Variants in CECR2 observed in about 807,000 individuals in gnomAD.
CECR2 encodes the protein CECR2 histone acetyl-lysine reader, also known as chromatin remodeling regulator CECR2.
In CECR2, 30 loss-of-function variants were observed where a neutral mutation model predicts 154.5. The ratio of observed to expected loss-of-function variants is 0.19; its 90% CI spans 0.15 to 0.26. The LOEUF (loss-of-function observed/expected upper bound fraction) is 0.26. Ranked by LOEUF, CECR2 falls within the 10% of genes least tolerant of loss-of-function variation. The pLI is 1.00. For missense variants in CECR2, 1,743 were observed against 1,829.3 expected (o/e 0.95, Z 0.86); for synonymous variants, 725 against 683.7 (o/e 1.06, Z -0.94).
intron 1 of CECR2, among the ~76,000 whole-genome samples, chr22:17,402,750 T>C (rs898474714): frequency 3.1e-4 from 42 of 135,246 alleles, no homozygotes; most frequent in African/African-American, 1.2e-3. Flanking sequence ...TTCTTTCTTT[T>C]CTTCTTTTTT....
intron 6 of CECR2, 35 bp from the exon 7 acceptor site, chr22:17,504,812 A>G (rs772429440): frequency 1.3e-6 from 2 of 1,574,168 alleles, no homozygotes; most frequent in Non-Finnish European, 8.7e-7. Flanking sequence ...TCCTCATGGG[A>G]TCTCCTGTAG....
At chr22:17,486,281 A>G (rs1236338231) in intron 2 of CECR2, among the ~76,000 whole-genome samples, 1 of 152,272 alleles carries the variant, frequency 6.6e-6, no homozygotes, top group Non-Finnish European at 1.5e-5. Context: ...TAAGCCTGAG[A>G]GACATCGAGA....
chr22:17,425,193 G>A (rs987228908), intron 1 of CECR2, among the ~76,000 whole-genome samples: 3 of 152,018 alleles, frequency 2.0e-5, no homozygotes, highest in Admixed American at 2.0e-4. Context: ...TAGCGTCCAA[G>A]TGTAGTGTGG....
In CECR2 at chr22:17,457,113, GC is replaced by G. The variant is rs568571400; in HGVS notation, c.127-20470del. Among the ~76,000 whole-genome samples, 1,088 of 152,296 alleles carry G rather than the reference GC, an allele frequency of 7.1e-3. 5 individuals carry two copies. The highest frequency in any genetic ancestry group is 0.041 in the Middle Eastern group (12 of 294). On this transcript the variant is annotated intron_variant, in intron 1 of 18. Coordinates refer to ENST00000262608, the MANE Select transcript of CECR2 (RefSeq NM_001290047.2). ...ACTATCTCTGTTCATCACAACCTCC[GC>G]CCCCGCGGGTTCAAGCGATTCTCCT... is the stretch of plus-strand genomic sequence containing the variant.
chr22:17,466,529 T>C (rs528758659), intron 1 of CECR2, among the ~76,000 whole-genome samples: 2 of 151,844 alleles, frequency 1.3e-5, no homozygotes, highest in East Asian at 3.9e-4. Flanking sequence ...GCAGAGTAAA[T>C]AAGCCAAAGA....
chr22:17,470,785 G>C (rs1015369145), intron 1 of CECR2, among the ~76,000 whole-genome samples: 2 of 152,080 alleles, frequency 1.3e-5, no homozygotes, highest in African/African-American at 4.8e-5. Flanking sequence ...TCCCAGACTA[G>C]ACCAGGGTTC....
chr22:17,489,459 T>G (rs1211151135), intron 2 of CECR2, among the ~76,000 whole-genome samples: 2 of 152,206 alleles, frequency 1.3e-5, no homozygotes, highest in East Asian at 3.9e-4. Context: ...TTTAATTTAT[T>G]TATTGACTTT....
chr22:17,405,696 G>A (rs1488834921), intron 1 of CECR2, among the ~76,000 whole-genome samples: 1 of 148,020 alleles, frequency 6.8e-6, no homozygotes, highest in Non-Finnish European at 1.5e-5. Context: ...ATTAGAAATA[G>A]CGTTGAGTTA....
intron 9 of CECR2, among the ~76,000 whole-genome samples, chr22:17,532,976 C>T (rs927170768): frequency 2.6e-5 from 4 of 151,236 alleles, no homozygotes; most frequent in South Asian, 4.2e-4. Context: ...TGCGCCTAGC[C>T]GCTCATTATT....
chr22:17,497,321 C>T, intron 2 of CECR2, 82 bp from the exon 3 acceptor site: 1 of 1,367,358 alleles, frequency 7.3e-7, no homozygotes, highest in Non-Finnish European at 9.9e-7. Flanking sequence ...GCTGTCAGAT[C>T]ATGAGTTCTC....
At chr22:17,443,706 C>T (rs1005753984) in intron 1 of CECR2, among the ~76,000 whole-genome samples, 2 of 152,126 alleles carry the variant, frequency 1.3e-5, no homozygotes, top group Non-Finnish European at 2.9e-5. Context: ...GAGCGACTTC[C>T]GGGTGACTCC....
chr22:17,489,105 T>C (rs1007911969), intron 2 of CECR2, among the ~76,000 whole-genome samples: 2 of 148,262 alleles, frequency 1.3e-5, no homozygotes, highest in African/African-American at 5.0e-5. Flanking sequence ...CAGCTAATTT[T>C]TTGTATTTAG....
Position 17,404,606 on chromosome 22 carries a change from C to G in CECR2, c.126+34697C>G. ...GCCGGGATGGTCTCGATCTCCTGAC[C>G]TCGTGATCCACCCGCCTCGGCCTCC... is the stretch of plus-strand genomic sequence containing the variant. On this transcript the variant is annotated intron_variant, in intron 1 of 18. Transcript: ENST00000262608. Among the ~76,000 whole-genome samples the G allele has an allele frequency of 1.5e-5, 2 of 131,272 alleles. 1 individual carries two copies. The highest frequency in any genetic ancestry group is 5.7e-4 in the East Asian group (2 of 3,486). The allele number at this position is 131,272 out of a possible 152,430, so 86.1% of individuals were successfully genotyped here.
chr22:17,501,107 C>G lies in CECR2; in HGVS notation c.650+372C>G, dbSNP rs58959054. ...AGGAAATTTCACCATGTGAATCTTG[C>G]TATAGGACTTTTCAAAATCTGACCT... is the stretch of plus-strand genomic sequence containing the variant. On this transcript the variant is annotated intron_variant, in intron 5 of 18. Transcript: ENST00000262608. Among the ~76,000 whole-genome samples, 748 of 152,238 alleles carry G rather than the reference C, an allele frequency of 4.9e-3. 7 individuals carry two copies. The highest frequency in any genetic ancestry group is 0.017 in the African/African-American group (718 of 41,530).
At chr22:17,518,695 A>C (rs1389136923) in intron 8 of CECR2, 2 of 443,338 alleles carry the variant, frequency 4.5e-6, no homozygotes, top group Admixed American at 4.9e-5. Context: ...TACTGTTTGC[A>C]TTCAAGCACC....
chr22:17,549,496 G>A lies in CECR2; in HGVS notation c.4209G>A (p.Val1403=). ...AAGGCCTGGGTCACTTTCAAGCTGT[G>A]ATGATGGAACAAATTGGCACTAGAA... ...QEEGLGHFQA[V]MMEQIGTRSG... Residue 1403 remains valine (V), a synonymous_variant, in exon 17 of 19, where the codon GTG becomes GTA. Transcript: ENST00000262608. The A allele has an allele frequency of 1.2e-6, 2 of 1,608,974 alleles. No individual in the cohort carries two copies. Among genetic ancestry groups the A allele is most frequent in the Non-Finnish European group, 8.5e-7 (1 of 1,177,636 alleles).
intron 1 of CECR2, among the ~76,000 whole-genome samples, chr22:17,435,459 A>C (rs946589696): frequency 2.6e-5 from 4 of 152,100 alleles, no homozygotes; most frequent in Non-Finnish European, 5.9e-5. Context: ...CACTTTTGTG[A>C]ATTGCTGATT....
chr22:17,367,644 C>T (rs2063009253), upstream of CECR2, among the ~76,000 whole-genome samples: 1 of 152,128 alleles, frequency 6.6e-6, no homozygotes, highest in Non-Finnish European at 1.5e-5. Context: ...GCCTCGGCCT[C>T]CCAAAGTGCT....
intron 1 of CECR2, among the ~76,000 whole-genome samples, chr22:17,441,068 C>T (rs1043461700): frequency 1.4e-4 from 22 of 152,180 alleles, no homozygotes; most frequent in Admixed American, 1.2e-3. Context: ...CCTGCCACAG[C>T]CTCCAGAGTA....
Sources: allele counts gnomAD v4.1 joint callset (sites outside exome capture counted in the v4.1 genomes callset), GRCh38; gene constraint gnomAD v4.1.1; transcripts MANE v1.5; gene names NCBI Gene and HGNC (gene_info 2026-07-23, HGNC 2026-07-21).